PLD1: variants seen among roughly 807,000 people sequenced by gnomAD.
PLD1 encodes the protein choline phosphatase 1.
A neutral mutation model predicts 137.1 loss-of-function variants in PLD1; 112 were observed. The observed-to-expected ratio is 0.82, with a 90% confidence interval of 0.70 to 0.96. PLD1 has a LOEUF of 0.96. PLD1 is among the 40% of genes least tolerant of loss of function. PLD1 has a pLI of 0.00. For missense variants in PLD1, 1,321 were observed against 1,342.0 expected (o/e 0.98, Z 0.24); for synonymous variants, 431 against 454.7 (o/e 0.95, Z 0.66).
intron 6 of PLD1, among the ~76,000 whole-genome samples, chr3:171,731,867 T>C (rs1265781323): frequency 6.6e-6 from 1 of 152,216 alleles, no homozygotes; most frequent in East Asian, 1.9e-4. Flanking sequence ...CAGGTCACTC[T>C]GGGATTTCTA....
chr3:171,644,745 T>C (rs1038816921), intron 22 of PLD1, among the ~76,000 whole-genome samples, 165 bp downstream of exon 22: 1 of 152,226 alleles, frequency 6.6e-6, no homozygotes, highest in Admixed American at 6.5e-5. Context: ...TAGGCTCCAT[T>C]TGAATTTTAT....
intron 15 of PLD1, 69 bp from the exon 16 acceptor site, chr3:171,686,867 T>C (rs1452552702): frequency 3.9e-6 from 3 of 768,996 alleles, no homozygotes; most frequent in East Asian, 5.5e-5. Context: ...AAAGCAAAGC[T>C]GATCATTTTT....
chr3:171,675,677 A>G (rs1403052489), intron 18 of PLD1, among the ~76,000 whole-genome samples: 1 of 152,192 alleles, frequency 6.6e-6, no homozygotes, highest in African/African-American at 2.4e-5. Flanking sequence ...AAAAATTTCA[A>G]TTAGAATGTC....
chr3:171,684,878 C>A (rs1714391306), intron 16 of PLD1, among the ~76,000 whole-genome samples: 1 of 152,192 alleles, frequency 6.6e-6, no homozygotes, highest in Non-Finnish European at 1.5e-5. Context: ...TGAGTCACTG[C>A]ACCTGGCCTC....
chr3:171,625,066 A>T (rs558257521), intron 23 of PLD1, among the ~76,000 whole-genome samples: 92 of 152,254 alleles, frequency 6.0e-4, no homozygotes, highest in African/African-American at 2.1e-3. Flanking sequence ...AGATTTAAAA[A>T]AAAAACAAAA....
chr3:171,783,094 AAG>A (rs1722854930), intron 1 of PLD1, among the ~76,000 whole-genome samples: 1 of 152,258 alleles, frequency 6.6e-6, no homozygotes, highest in East Asian at 1.9e-4. Context: ...CCATGGCTGA[AAG>A]AGAGAGTCTG....
chr3:171,631,130 C>T (rs1385161323), intron 23 of PLD1, among the ~76,000 whole-genome samples: 1 of 151,934 alleles, frequency 6.6e-6, no homozygotes, highest in African/African-American at 2.4e-5. Flanking sequence ...CCAAGCAAAT[C>T]AAGTTAACAA....
intron 19 of PLD1, among the ~76,000 whole-genome samples, chr3:171,662,861 G>A (rs1027652113): frequency 2.6e-5 from 4 of 152,222 alleles, no homozygotes; most frequent in Non-Finnish European, 5.9e-5. Flanking sequence ...GGGGCTCAGA[G>A]AAGCAAAGAA....
chr3:171,737,514 G>C lies in PLD1; in HGVS notation c.288+18C>G, dbSNP rs200201266. On this transcript the variant is annotated intron_variant, in intron 3 of 26. Transcript: ENST00000351298. ...ATATTGACAAAAGAAAAAAGGGTGA[G>C]TCCATAAACGCTCTGACCCTTGTTG... 1.3e-6 allele frequency: 2 copies of C among 1,593,774 alleles called. No homozygotes were observed. Among genetic ancestry groups the C allele is most frequent in the East Asian group, 2.2e-5 (1 of 44,776 alleles).
chr3:171,749,380 G>A (rs1720494210), intron 1 of PLD1, among the ~76,000 whole-genome samples: 1 of 152,170 alleles, frequency 6.6e-6, no homozygotes, highest in Non-Finnish European at 1.5e-5. Context: ...GAGCTTCAGC[G>A]AGCTACACTG....
chr3:171,652,673 C>T (rs1355919460), intron 21 of PLD1, among the ~76,000 whole-genome samples: 4 of 150,812 alleles, frequency 2.7e-5, no homozygotes, highest in Admixed American at 2.0e-4. Flanking sequence ...GCAATCATGG[C>T]GCACTGCAGC....
intron 7 of PLD1, among the ~76,000 whole-genome samples, chr3:171,725,704 A>G (rs1355141124): frequency 1.3e-5 from 2 of 152,232 alleles, no homozygotes; most frequent in Admixed American, 1.3e-4. Context: ...GTAAAAGGAG[A>G]TCTTATATAT....
At chr3:171,756,713 G>T (rs1021467218) in intron 1 of PLD1, among the ~76,000 whole-genome samples, 8 of 152,148 alleles carry the variant, frequency 5.3e-5, no homozygotes, top group Admixed American at 4.6e-4. Flanking sequence ...CTGTTAAAAA[G>T]TCATTGTTAT....
At chr3:171,765,819 A>C (rs1286910040) in intron 1 of PLD1, among the ~76,000 whole-genome samples, 2 of 152,218 alleles carry the variant, frequency 1.3e-5, no homozygotes, top group Admixed American at 1.3e-4. Flanking sequence ...AGACCAAAGA[A>C]TTGTTATCCA....
At chr3:171,620,742 C>CTCTCTCTA (rs1473647659) in intron 23 of PLD1, among the ~76,000 whole-genome samples, 1,608 of 94,650 alleles carry the variant, frequency 0.017, 16 homozygotes, top group Non-Finnish European at 0.026. Context: ...CTCTCTCTCT[C>CTCTCTCTA]TATATATATA....
In PLD1 at chr3:171,787,054, T is replaced by C. The variant is rs540467360; in HGVS notation, c.-32+23345A>G. On this transcript the variant is annotated intron_variant, in intron 1 of 26. Coordinates refer to ENST00000351298, the MANE Select transcript of PLD1 (RefSeq NM_002662.5). ...CATTCATTAAACAAATATTACTGAG[T>C]TCATATCTACAGTAGAGTGCTAGGC... Among the ~76,000 whole-genome samples the C allele has an allele frequency of 2.0e-5, 3 of 152,280 alleles. No individual in the cohort carries two copies. In the East Asian group the frequency reaches 5.8e-4, roughly 29 times the overall value.
chr3:171,669,169 G>GT (rs1486692297), intron 19 of PLD1, among the ~76,000 whole-genome samples: 11 of 152,148 alleles, frequency 7.2e-5, no homozygotes, highest in Admixed American at 2.0e-4. Flanking sequence ...CTGGCTGGCT[G>GT]TGTCTCCCCC....
chr3:171,710,028 G>A (rs1279182403), intron 9 of PLD1, among the ~76,000 whole-genome samples: 1 of 152,092 alleles, frequency 6.6e-6, no homozygotes, highest in Non-Finnish European at 1.5e-5. Context: ...TAGTTAGAGA[G>A]CTGTTGGCTC....
At chr3:171,808,745 A>G (rs950424445) in intron 1 of PLD1, among the ~76,000 whole-genome samples, 5 of 151,158 alleles carry the variant, frequency 3.3e-5, no homozygotes, top group African/African-American at 9.7e-5. Context: ...CGCTTACTAT[A>G]GTTCATAATT....
Sources: gnomAD v4.1 joint callset for allele counts (sites outside exome capture counted in the v4.1 genomes callset) on GRCh38, gnomAD v4.1.1 for gene constraint, MANE v1.5 for transcripts, NCBI Gene and HGNC (gene_info 2026-07-23, HGNC 2026-07-21) for gene names.